Variants in ZNF804B observed in about 807,000 individuals in gnomAD.
ZNF804B encodes the protein zinc finger protein 804B.
A neutral mutation model predicts 101.4 loss-of-function variants in ZNF804B; 80 were observed. That is an observed-to-expected ratio of 0.79 (90% CI 0.66 to 0.95). The LOEUF is 0.95. Ranked by LOEUF, ZNF804B falls within the 40% of genes least tolerant of loss-of-function variation. The pLI is 0.00. For missense variants in ZNF804B, 1,673 were observed against 1,561.9 expected (o/e 1.07, Z -1.20); for synonymous variants, 622 against 558.8 (o/e 1.11, Z -1.59).
chr7:88,972,737 C>T (rs1244947403), intron 1 of ZNF804B, among the ~76,000 whole-genome samples: 10 of 150,882 alleles, frequency 6.6e-5, no homozygotes, highest in African/African-American at 2.2e-4. Context: ...TTGAAGATTA[C>T]TGAGTCTGAC....
intron 1 of ZNF804B, among the ~76,000 whole-genome samples, chr7:88,899,438 G>A (rs1792356565): frequency 6.6e-6 from 1 of 152,044 alleles, no homozygotes; most frequent in Non-Finnish European, 1.5e-5. Flanking sequence ...TAGGCATTCT[G>A]TTTCACCTTG....
At chr7:89,139,114 G>T (rs80037075) in intron 1 of ZNF804B, among the ~76,000 whole-genome samples, 10,294 of 152,028 alleles carry the variant, frequency 0.068, 443 homozygotes, top group South Asian at 0.092. Flanking sequence ...GTGAGTCAAG[G>T]AATTTTTTTT....
chr7:89,208,121 G>T (rs1380758872), intron 1 of ZNF804B, among the ~76,000 whole-genome samples: 3 of 142,000 alleles, frequency 2.1e-5, no homozygotes, highest in Non-Finnish European at 4.5e-5. Context: ...TCTCTCTGTC[G>T]TCCAGGCTGG....
intron 1 of ZNF804B, among the ~76,000 whole-genome samples, chr7:89,138,575 G>C (rs975170092): frequency 6.6e-6 from 1 of 152,038 alleles, no homozygotes; most frequent in East Asian, 1.9e-4. Flanking sequence ...TGTTGGGAAG[G>C]CATGATTGGT....
intron 2 of ZNF804B, among the ~76,000 whole-genome samples, chr7:89,324,826 G>A (rs1210718971): frequency 1.3e-5 from 2 of 150,998 alleles, no homozygotes; most frequent in African/African-American, 4.9e-5. Context: ...ATTTCTGTTG[G>A]CTATTTTTTT....
At chr7:89,308,317 A>G (rs1241956493) in intron 2 of ZNF804B, among the ~76,000 whole-genome samples, 1 of 152,112 alleles carries the variant, frequency 6.6e-6, no homozygotes, top group Non-Finnish European at 1.5e-5. Context: ...TGAGTTCTGA[A>G]AATTAGTTGT....
At chr7:88,941,462 C>A (rs1048420231) in intron 1 of ZNF804B, among the ~76,000 whole-genome samples, 1 of 151,768 alleles carries the variant, frequency 6.6e-6, no homozygotes, top group African/African-American at 2.4e-5. Flanking sequence ...AATAAAAAGA[C>A]GTGGTGGAAA....
Position 88,997,194 on chromosome 7 carries a change from T to C in ZNF804B, c.109-220961T>C, listed in dbSNP as rs1389386701. On this transcript the variant is annotated intron_variant, in intron 1 of 3. Transcript: ENST00000333190. ...CAGATTTGGGAGACACCTTGAGAATTATCTAATCAGTCATTAAGTTAACAT... is the reference window on the plus strand; with the variant it reads ...CAGATTTGGGAGACACCTTGAGAATCATCTAATCAGTCATTAAGTTAACAT... 2.6e-5 allele frequency among the ~76,000 whole-genome samples: 4 copies of C among 152,074 alleles called. No homozygotes were observed. The East Asian group carries it at 7.7e-4, about 29-fold the overall frequency.
intron 1 of ZNF804B, among the ~76,000 whole-genome samples, chr7:89,176,591 C>CTTTCTTTTTTTT (rs780648541): frequency 1.3e-4 from 9 of 71,942 alleles, no homozygotes; most frequent in Non-Finnish European, 1.6e-4. Flanking sequence ...TTCTTTCTTT[C>CTTTCTTTTTTTT]TTTTTTTTTT....
intron 1 of ZNF804B, among the ~76,000 whole-genome samples, chr7:88,909,170 G>T (rs1296981014): frequency 6.6e-6 from 1 of 151,702 alleles, no homozygotes; most frequent in African/African-American, 2.4e-5. Context: ...AAACCAAATT[G>T]TTCCCTCCCT....
chr7:89,336,864 A>G lies in ZNF804B; in HGVS notation c.3882A>G (p.Thr1294=), dbSNP rs1791103209. ...TGCCCCCTACAGCATTTATTCCTACATTGTTTGGTCCTCACTTAAATCCAG... is the reference window on the plus strand; with the variant it reads ...TGCCCCCTACAGCATTTATTCCTACGTTGTTTGGTCCTCACTTAAATCCAG... The part of the protein sequence containing the change: ...QPLPPTAFIP[T]LFGPHLNPAT... The change falls in exon 4 of 4, where the codon ACA becomes ACG. Residue 1294 remains threonine (T), a synonymous_variant. Transcript: ENST00000333190. 6.2e-7 allele frequency: 1 copy of G among 1,613,980 alleles called. No individual in the cohort carries two copies. The highest frequency in any genetic ancestry group is 8.5e-7 in the Non-Finnish European group (1 of 1,179,996).
At chr7:88,816,603 A>G (rs1790882488) in intron 1 of ZNF804B, among the ~76,000 whole-genome samples, 1 of 150,714 alleles carries the variant, frequency 6.6e-6, no homozygotes, top group Admixed American at 6.6e-5. Flanking sequence ...AAAAGAAGAC[A>G]TTTATGCAGC....
At chr7:88,879,195 G>A (rs892165148) in intron 1 of ZNF804B, among the ~76,000 whole-genome samples, 3 of 152,058 alleles carry the variant, frequency 2.0e-5, no homozygotes, top group African/African-American at 7.2e-5. Flanking sequence ...AGGAGACCTC[G>A]TTTGAGCAAA....
intron 1 of ZNF804B, among the ~76,000 whole-genome samples, chr7:89,011,993 A>T (rs1788471461): frequency 6.6e-6 from 1 of 152,136 alleles, no homozygotes; most frequent in Non-Finnish European, 1.5e-5. Context: ...CCTGCAGCAA[A>T]CTTCTGACTG....
At chr7:88,890,932 G>A (rs761079926) in intron 1 of ZNF804B, among the ~76,000 whole-genome samples, 33 of 151,956 alleles carry the variant, frequency 2.2e-4, no homozygotes, top group Non-Finnish European at 4.3e-4. Flanking sequence ...TGTAAATAGT[G>A]CCTTGTTTAA....
At chr7:88,790,463 C>T (rs1456619102) in intron 1 of ZNF804B, among the ~76,000 whole-genome samples, 2 of 151,938 alleles carry the variant, frequency 1.3e-5, no homozygotes, top group Non-Finnish European at 2.9e-5. Flanking sequence ...TGTTGTTTCC[C>T]TCCTTGTGTC....
At chr7:89,176,117 G>A (rs1268124936) in intron 1 of ZNF804B, among the ~76,000 whole-genome samples, 5 of 151,878 alleles carry the variant, frequency 3.3e-5, no homozygotes, top group Non-Finnish European at 7.4e-5. Flanking sequence ...CTGAAAGTGA[G>A]CCTCCATGTT....
chr7:89,106,851 A>T (rs1471647633), intron 1 of ZNF804B, among the ~76,000 whole-genome samples: 1 of 152,158 alleles, frequency 6.6e-6, no homozygotes, highest in Non-Finnish European at 1.5e-5. Flanking sequence ...GTTTTCAAGT[A>T]GGAGATACAT....
At chr7:89,220,034 C>CATATATGTGTAT (rs1788970037) in intron 2 of ZNF804B, among the ~76,000 whole-genome samples, 2 of 116,580 alleles carry the variant, frequency 1.7e-5, no homozygotes, top group Middle Eastern at 5.6e-3. Flanking sequence ...TATATATACG[C>CATATATGTGTAT]ACATATATGT....
Sources: allele counts gnomAD v4.1 joint callset (sites outside exome capture counted in the v4.1 genomes callset), GRCh38; gene constraint gnomAD v4.1.1; transcripts MANE v1.5; gene names NCBI Gene and HGNC (gene_info 2026-07-23, HGNC 2026-07-21).